TTLL5: variants seen among roughly 807,000 people sequenced by gnomAD.
TTLL5 encodes the protein tubulin polyglutamylase TTLL5.
TTLL5 carries 132 observed loss-of-function variants against 168.4 expected under a neutral mutation model. The observed-to-expected ratio is 0.78, with a 90% CI of 0.68 to 0.91. TTLL5 has a LOEUF of 0.91. TTLL5 is among the 40% of genes least tolerant of loss of function. TTLL5 has a pLI of 0.00. For missense variants in TTLL5, 1,545 were observed against 1,581.5 expected (o/e 0.98, Z 0.39); for synonymous variants, 546 against 558.6 (o/e 0.98, Z 0.32).
intron 12 of TTLL5, among the ~76,000 whole-genome samples, chr14:75,731,236 C>CA (rs1446564860): frequency 6.6e-6 from 1 of 151,984 alleles, no homozygotes; most frequent in Non-Finnish European, 1.5e-5. Context: ...GACCTCTGAT[C>CA]AAACAGTAAG....
At chr14:75,807,416 C>T (rs943496051) in intron 27 of TTLL5, among the ~76,000 whole-genome samples, 3 of 152,188 alleles carry the variant, frequency 2.0e-5, no homozygotes, top group African/African-American at 7.2e-5. Flanking sequence ...ACTCCAACCT[C>T]GGCTACAAAG....
chr14:75,830,422 AAG>A (rs2139805543), intron 28 of TTLL5, among the ~76,000 whole-genome samples: 1 of 152,310 alleles, frequency 6.6e-6, no homozygotes, highest in South Asian at 2.1e-4. Context: ...GAAAATCACT[AAG>A]AGAGTAGATT....
chr14:75,738,979 T>C (rs1416435114), intron 15 of TTLL5, among the ~76,000 whole-genome samples: 1 of 152,070 alleles, frequency 6.6e-6, no homozygotes, highest in Non-Finnish European at 1.5e-5. Context: ...TAATTTTTTG[T>C]ATTTTTGGTA....
intron 31 of TTLL5, among the ~76,000 whole-genome samples, chr14:75,909,643 T>G (rs563318741): frequency 1.4e-4 from 21 of 152,182 alleles, no homozygotes; most frequent in Admixed American, 5.9e-4. Context: ...GAACAAACAT[T>G]AAGAGGATAA....
chr14:75,752,575 T>G (rs879554636), intron 17 of TTLL5, among the ~76,000 whole-genome samples: 3 of 152,174 alleles, frequency 2.0e-5, no homozygotes, highest in Non-Finnish European at 4.4e-5. Context: ...TTGTTAATTT[T>G]TCTTTTATCT....
At chr14:75,887,269 A>G (rs1391273698) in intron 30 of TTLL5, 1 of 985,960 alleles carries the variant, frequency 1.0e-6, no homozygotes, top group Non-Finnish European at 1.2e-6. Context: ...GATTAATGTC[A>G]GAAGAATATG....
chr14:75,748,382 T>C (rs1381909993), intron 17 of TTLL5, among the ~76,000 whole-genome samples: 2 of 152,250 alleles, frequency 1.3e-5, no homozygotes, highest in Non-Finnish European at 2.9e-5. Flanking sequence ...GTACAGTTTT[T>C]TCAATGCTTT....
intron 31 of TTLL5, among the ~76,000 whole-genome samples, chr14:75,930,932 C>T (rs1041477655): frequency 1.3e-5 from 2 of 152,160 alleles, no homozygotes; most frequent in Non-Finnish European, 2.9e-5. Flanking sequence ...TGTTGGCTTT[C>T]CCTTTCTACC....
chr14:75,856,820 T>G (rs1668815694), intron 28 of TTLL5, among the ~76,000 whole-genome samples: 1 of 152,270 alleles, frequency 6.6e-6, no homozygotes, highest in Admixed American at 6.5e-5. Context: ...AGAGACATGG[T>G]TTCAACATAT....
chr14:75,739,250 G>T (rs1425247733), intron 15 of TTLL5, among the ~76,000 whole-genome samples: 1 of 152,060 alleles, frequency 6.6e-6, no homozygotes, highest in Non-Finnish European at 1.5e-5. Flanking sequence ...CTGAATACTT[G>T]CTTACGTGAC....
At chr14:75,688,158 G>A (rs1329314030) in intron 5 of TTLL5, among the ~76,000 whole-genome samples, 1 of 152,146 alleles carries the variant, frequency 6.6e-6, no homozygotes, top group African/African-American at 2.4e-5. Context: ...GCTTCCGGAT[G>A]GGGATTGGTT....
intron 2 of TTLL5, among the ~76,000 whole-genome samples, chr14:75,667,432 A>G (rs1286725938): frequency 2.6e-5 from 4 of 152,240 alleles, no homozygotes; most frequent in Non-Finnish European, 5.9e-5. Context: ...GGAAGAGATC[A>G]TAGGAATCAC....
intron 28 of TTLL5, among the ~76,000 whole-genome samples, chr14:75,844,525 G>C (rs1437278438): frequency 6.6e-6 from 1 of 152,174 alleles, no homozygotes; most frequent in East Asian, 1.9e-4. Context: ...TTCAAAAGCA[G>C]CTCTTTCCTT....
At chr14:75,846,578 A>G (rs1272552248) in intron 28 of TTLL5, among the ~76,000 whole-genome samples, 1 of 151,982 alleles carries the variant, frequency 6.6e-6, no homozygotes, top group African/African-American at 2.4e-5. Context: ...ATCACCTGAG[A>G]TCGGGAGTTC....
chr14:75,672,689 A>T (rs1883838872), intron 3 of TTLL5, among the ~76,000 whole-genome samples: 2 of 151,982 alleles, frequency 1.3e-5, no homozygotes, highest in Non-Finnish European at 2.9e-5. Flanking sequence ...TGCTTGCTGT[A>T]GGTCTATTCA....
intron 19 of TTLL5, 151 bp from the exon 20 acceptor site, chr14:75,765,911 T>C (rs1049438857): frequency 2.0e-5 from 12 of 594,114 alleles, no homozygotes; most frequent in Admixed American, 6.5e-5. Flanking sequence ...ATATATGAGA[T>C]TAGAGAGTGA....
intron 15 of TTLL5, among the ~76,000 whole-genome samples, chr14:75,743,572 G>T (rs1412454706): frequency 8.7e-6 from 1 of 115,042 alleles, no homozygotes; most frequent in African/African-American, 3.3e-5. Context: ...CTCTGGCATC[G>T]CTCTTTTTTT....
At chr14:75,722,825 A>C (rs913765279) in intron 12 of TTLL5, among the ~76,000 whole-genome samples, 3 of 151,884 alleles carry the variant, frequency 2.0e-5, no homozygotes, top group African/African-American at 7.3e-5. Context: ...CTCGCTTGCT[A>C]CCTCTGCACC....
intron 30 of TTLL5, among the ~76,000 whole-genome samples, chr14:75,900,252 C>A (rs990116236): frequency 1.3e-5 from 2 of 152,182 alleles, no homozygotes; most frequent in Non-Finnish European, 2.9e-5. Context: ...CCCTTTCTCT[C>A]CTGCCTCTGT....
Sources: gnomAD v4.1 joint callset for allele counts (sites outside exome capture counted in the v4.1 genomes callset) on GRCh38, gnomAD v4.1.1 for gene constraint, MANE v1.5 for transcripts, NCBI Gene and HGNC (gene_info 2026-07-23, HGNC 2026-07-21) for gene names.